The following CNPY1 variants were observed in gnomAD, a reference collection of about 807,000 sequenced individuals.
The protein encoded by CNPY1 is canopy FGF signaling regulator 1.
A neutral mutation model predicts 14.4 loss-of-function variants in CNPY1; 14 were observed. The observed-to-expected ratio is 0.97, with a 90% CI of 0.64 to 1.52. The LOEUF is 1.52. Among genes scored for constraint, CNPY1 ranks in the 40% most tolerant of loss-of-function variants. CNPY1 has a pLI of 0.00. For missense variants in CNPY1, 129 were observed against 131.5 expected (o/e 0.98, Z 0.09); for synonymous variants, 43 against 46.5 (o/e 0.92, Z 0.31).
At chr7:155,506,744 G>C in intron 4 of CNPY1, 1 of 379,632 alleles carries the variant, frequency 2.6e-6, no homozygotes, top group Non-Finnish European at 4.7e-6. Context: ...TTCTGAACAA[G>C]AATTTTCTCC....
At chr7:155,543,649 G>A (rs1226238676) in intron 2 of CNPY1, among the ~76,000 whole-genome samples, 1 of 152,206 alleles carries the variant, frequency 6.6e-6, no homozygotes, top group Non-Finnish European at 1.5e-5. Context: ...AGGAACTGCT[G>A]AGCCACACAC....
chr7:155,524,447 GC>G (rs1262422840), intron 2 of CNPY1, among the ~76,000 whole-genome samples: 1 of 152,202 alleles, frequency 6.6e-6, no homozygotes, highest in African/African-American at 2.4e-5. Flanking sequence ...ATTTATAGCT[GC>G]TCCCCATTGT....
intron 1 of CNPY1, among the ~76,000 whole-genome samples, 189 bp downstream of exon 1, chr7:155,546,240 G>A (rs1366001472): frequency 6.6e-6 from 1 of 150,804 alleles, no homozygotes; most frequent in Non-Finnish European, 1.5e-5. Flanking sequence ...AGGCTGGAGT[G>A]CAGTGGCACT....
intron 2 of CNPY1, among the ~76,000 whole-genome samples, chr7:155,512,864 G>A (rs1298860569): frequency 6.6e-6 from 1 of 152,126 alleles, no homozygotes; most frequent in Non-Finnish European, 1.5e-5. Flanking sequence ...ATTTCACATT[G>A]TAGCAAAGAT....
chr7:155,522,341 A>T (rs1299765561), intron 2 of CNPY1, among the ~76,000 whole-genome samples: 4 of 152,256 alleles, frequency 2.6e-5, no homozygotes, highest in Non-Finnish European at 5.9e-5. Context: ...ACGCCAGGCC[A>T]TGTCTCTGCC....
Position 155,541,209 on chromosome 7 carries a change from G to A in CNPY1, c.99+4622C>T, listed in dbSNP as rs116214354. The stretch of plus-strand genomic sequence containing the variant: ...CCCGCTGAGCCTCCCCGTTCCCGCT[G>A]TTCTGAAGACAGAGACCTCCGCGAG... On this transcript the variant is annotated intron_variant, in intron 2 of 4. Coordinates refer to ENST00000636446, the MANE Select transcript of CNPY1 (RefSeq NM_001393663.1). Among the ~76,000 whole-genome samples the A allele has an allele frequency of 4.9e-3, 752 of 152,324 alleles. 14 individuals are homozygous for A. The highest frequency in any genetic ancestry group is 0.017 in the African/African-American group (706 of 41,570).
intron 2 of CNPY1, among the ~76,000 whole-genome samples, chr7:155,525,848 CCT>C (rs1796810193): frequency 1.3e-5 from 2 of 152,202 alleles, no homozygotes; most frequent in Non-Finnish European, 2.9e-5. Flanking sequence ...GTGCCTAACT[CCT>C]CTGTTTTTCT....
Position 155,509,117 on chromosome 7 carries a change from G to T in CNPY1, c.100-20C>A. The T allele has an allele frequency of 7.0e-7, 1 of 1,432,156 alleles. No homozygotes were observed. Among genetic ancestry groups the T allele is most frequent in the Non-Finnish European group, 9.5e-7 (1 of 1,050,494 alleles). The allele number at this position is 1,432,156 out of a possible 1,614,324, so 88.7% of individuals were successfully genotyped here. A position where few individuals can be genotyped will look rare whatever the true frequency, so the allele number is the denominator to read the frequency against. On this transcript the variant is annotated intron_variant, in intron 2 of 4. Coordinates refer to ENST00000636446, the MANE Select transcript of CNPY1 (RefSeq NM_001393663.1). ...GGGGATCTAAGAAGAAAGACAGGGC[G>T]AGGAAACTTGTCTTAATGTTAATGT...
chr7:155,533,987 T>C (rs564764458), intron 2 of CNPY1: 1 of 152,330 alleles, frequency 6.6e-6, no homozygotes, highest in Non-Finnish European at 1.5e-5. Flanking sequence ...GTTAACCCCT[T>C]GTTGAGGTGG....
At chr7:155,513,327 C>T (rs1163252804) in intron 2 of CNPY1, among the ~76,000 whole-genome samples, 2 of 152,128 alleles carry the variant, frequency 1.3e-5, no homozygotes, top group African/African-American at 4.8e-5. Flanking sequence ...TTTAGGGAGC[C>T]CAAACCACAT....
At position 155,536,572 on chromosome 7, in the gene CNPY1, T is replaced by C. The variant is rs1328624826; in HGVS notation, c.99+9259A>G. Among the ~76,000 whole-genome samples the C allele has an allele frequency of 6.6e-6, 1 of 152,162 alleles. No individual in the cohort carries two copies. Among genetic ancestry groups the C allele is most frequent in the African/African-American group, 2.4e-5 (1 of 41,440 alleles). On this transcript the variant is annotated intron_variant, in intron 2 of 4. Transcript: ENST00000636446. The surrounding 1 kb of genome is among the most constrained non-coding windows in gnomAD (Gnocchi z 4.1). ...GTGCTGGAGTCCCAGCCGTGGAACG[T>C]AGGCAGAAGCAAGGCCCCTCCCTGT...
intron 2 of CNPY1, among the ~76,000 whole-genome samples, chr7:155,515,030 GCA>G (rs976683681): frequency 7.2e-5 from 11 of 152,180 alleles, no homozygotes; most frequent in Admixed American, 2.0e-4. Context: ...CACACATACT[GCA>G]CACACGCACA....
At position 155,536,106 on chromosome 7, in the gene CNPY1, C is replaced by A. The variant is rs369036535; in HGVS notation, c.99+9725G>T. Among the ~76,000 whole-genome samples, 98 of 152,236 alleles carry A rather than the reference C, an allele frequency of 6.4e-4. No individual in the cohort carries two copies. Among genetic ancestry groups the A allele is most frequent in the African/African-American group, 2.1e-3 (87 of 41,530 alleles). ...TCTGGGCTGGGCTGTCCTCACCTGG[C>A]GGGGTCAGAGGCAGTGGGGATCCAG... On this transcript the variant is annotated intron_variant, in intron 2 of 4. Coordinates refer to ENST00000636446, the MANE Select transcript of CNPY1 (RefSeq NM_001393663.1). This position sits in a 1 kb window ranked among gnomAD's most constrained non-coding sequence, Gnocchi z 4.1.
chr7:155,503,484 C>T (rs1360115222), intron 4 of CNPY1, among the ~76,000 whole-genome samples: 1 of 152,108 alleles, frequency 6.6e-6, no homozygotes, highest in African/African-American at 2.4e-5. Context: ...ACAGAAGCAA[C>T]TAGATACTTT....
intron 2 of CNPY1, among the ~76,000 whole-genome samples, chr7:155,544,009 C>T (rs960450982): frequency 6.6e-6 from 1 of 152,192 alleles, no homozygotes; most frequent in Non-Finnish European, 1.5e-5. Flanking sequence ...CAACAGAAAG[C>T]AGGGGAGGGT....
At chr7:155,538,076 G>A (rs2116754605) in intron 2 of CNPY1, among the ~76,000 whole-genome samples, 1 of 152,172 alleles carries the variant, frequency 6.6e-6, no homozygotes, top group Admixed American at 6.5e-5. Context: ...CCTCTTTTTT[G>A]CACTTAATAA....
At chr7:155,531,535 CA>C (rs1382386140) in intron 2 of CNPY1, among the ~76,000 whole-genome samples, 1 of 152,214 alleles carries the variant, frequency 6.6e-6, no homozygotes, top group Non-Finnish European at 1.5e-5. Context: ...ATAGGCTGCT[CA>C]AAGTGGGTCC....
chr7:155,534,583 T>C (rs559185472), intron 2 of CNPY1, among the ~76,000 whole-genome samples: 74 of 152,340 alleles, frequency 4.9e-4, no homozygotes, highest in African/African-American at 1.6e-3. Context: ...GGCTGAGGTC[T>C]CAGCCTGCTC....
At chr7:155,516,312 G>A (rs1000599147) in intron 2 of CNPY1, among the ~76,000 whole-genome samples, 3 of 152,216 alleles carry the variant, frequency 2.0e-5, no homozygotes, top group African/African-American at 7.2e-5. Context: ...CAGTTATGTT[G>A]TTTCAGTAAC....
Sources: gnomAD v4.1 joint callset for allele counts (sites outside exome capture counted in the v4.1 genomes callset) on GRCh38, gnomAD v4.1.1 for gene constraint, Gnocchi (gnomAD v3.1) non-coding constraint, MANE v1.5 for transcripts, NCBI Gene and HGNC (gene_info 2026-07-23, HGNC 2026-07-21) for gene names.